ECT2: variants seen among roughly 807,000 people sequenced by gnomAD.
The protein encoded by ECT2 is epithelial cell transforming 2, also known as protein ECT2.
Under a neutral mutation model 116.9 loss-of-function variants are expected in ECT2, and 61 were observed. The observed-to-expected ratio is 0.52, with a 90% CI of 0.42 to 0.65. ECT2 has a LOEUF of 0.65. Among genes scored for constraint, ECT2 ranks in the 30% least tolerant of loss-of-function variants. The pLI is 0.00. For missense variants in ECT2, 937 were observed against 1,078.7 expected, an observed-to-expected ratio of 0.87 and a Z score of 1.84; for synonymous variants, 358 against 346.4, an observed-to-expected ratio of 1.03 and a Z score of -0.37.
the ECT2 span, chr3:172,828,802 G>C: frequency 8.0e-5 from 57 of 709,776 alleles, no homozygotes; most frequent in Admixed American, 5.9e-5. Flanking sequence ...ACAGGCCAAC[G>C]CCCAGAATGG....
At chr3:172,821,874 A>G (rs1272351094), downstream of ECT2, among the ~76,000 whole-genome samples, 1 of 151,858 alleles carries the variant, frequency 6.6e-6, no homozygotes, top group African/African-American at 2.4e-5. Context: ...GGCAAAATAT[A>G]GCAGGTAGTT....
At chr3:172,757,974 C>T (rs1041091465) in intron 5 of ECT2, among the ~76,000 whole-genome samples, 9 of 152,114 alleles carry the variant, frequency 5.9e-5, no homozygotes, top group Non-Finnish European at 1.3e-4. Context: ...TCTACTGCCT[C>T]AGCCTCTCAA....
At chr3:172,798,475 C>T (rs1726137390) in intron 18 of ECT2, among the ~76,000 whole-genome samples, 1 of 152,018 alleles carries the variant, frequency 6.6e-6, no homozygotes. Context: ...ATTTCCAAAA[C>T]TCTAATTTAA....
Position 172,754,583 on chromosome 3 carries a change from ACT to A in ECT2, c.56_57del (p.Ser19PhefsTer4). 1 of 1,611,808 alleles carries A rather than the reference ACT, an allele frequency of 6.2e-7. No individual in the cohort carries two copies. The highest frequency in any genetic ancestry group is 8.5e-7 in the Non-Finnish European group (1 of 1,178,716). On this transcript the variant is annotated frameshift_variant, in exon 2 of 25. Transcript: ENST00000392692. LOFTEE classifies it high-confidence loss of function. ...ACTACTGGGAGGACTAGCTTGGCAG[ACT>A]CTTCCATTTTTGATTCTAAAGTTAC... is the stretch of plus-strand genomic sequence containing the variant.
intron 22 of ECT2, among the ~76,000 whole-genome samples, chr3:172,812,764 A>G (rs1018357091): frequency 1.3e-5 from 2 of 152,170 alleles, no homozygotes; most frequent in African/African-American, 2.4e-5. Context: ...ATTTGCCTCT[A>G]TATCTTATGG....
At chr3:172,792,451 C>CTTTT (rs34510739) in intron 18 of ECT2, among the ~76,000 whole-genome samples, 5 of 143,368 alleles carry the variant, frequency 3.5e-5, no homozygotes, top group East Asian at 2.0e-4. Flanking sequence ...TTTTATCTGG[C>CTTTT]TTTTTTTTTT....
chr3:172,816,010 G>C (rs1010640289), intron 23 of ECT2, among the ~76,000 whole-genome samples: 18 of 151,990 alleles, frequency 1.2e-4, no homozygotes, highest in African/African-American at 3.1e-4. Context: ...TAAATATATC[G>C]CCACAGTTAT....
Position 172,805,856 on chromosome 3 carries a change from A to T in ECT2, c.2232A>T (p.Ile744=). The change falls in exon 21 of 25, where the codon ATA becomes ATT. Residue 744 remains isoleucine (I), a synonymous_variant. Coordinates refer to ENST00000392692, the MANE Select transcript of ECT2 (RefSeq NM_001258315.2). ...CTCAGATTAAGAAGGTATTGGACAT[A>T]AGAGAGACAGAAGGTATGCCGGTCG... ...PLSQIKKVLD[I]RETEDCHNAF... 6.2e-7 allele frequency: 1 copy of T among 1,613,030 alleles called. No homozygotes were observed. Among genetic ancestry groups the T allele is most frequent in the African/African-American group, 1.3e-5 (1 of 75,008 alleles).
chr3:172,824,235 A>T (rs926172110), downstream of ECT2, among the ~76,000 whole-genome samples: 1 of 152,212 alleles, frequency 6.6e-6, no homozygotes, highest in Non-Finnish European at 1.5e-5. Context: ...GATAATTTAT[A>T]AAGAAAAGAG....
At chr3:172,805,381 T>G (rs1727499040) in intron 20 of ECT2, among the ~76,000 whole-genome samples, 1 of 152,172 alleles carries the variant, frequency 6.6e-6, no homozygotes, top group African/African-American at 2.4e-5. Context: ...TAGCCAACTG[T>G]TCCTCTTCTC....
At chr3:172,771,462 A>G (rs965309255) in intron 13 of ECT2, 3 of 152,226 alleles carry the variant, frequency 2.0e-5, no homozygotes, top group Non-Finnish European at 4.4e-5. Context: ...ATAGATGAGA[A>G]GTGTCTTTGA....
rs150167560 is a variant in ECT2 at position 172,815,699 on chromosome 3, G to A, written c.2496G>A (p.Lys832=). ...TLSRASRAIK[K]TSKKVTRAFS... ...GTAGAGCATCAAGAGCAATAAAAAA[G>A]ACTTCAAAAAAGGTGAGTTTTAGTG... Residue 832 remains lysine, a synonymous_variant, in exon 23 of 25, where the codon AAG becomes AAA. Transcript: ENST00000392692. 2.5e-6 allele frequency: 4 copies of A among 1,594,172 alleles called. No individual in the cohort carries two copies. In the Admixed American group the frequency reaches 7.1e-5, roughly 28 times the overall value.
At chr3:172,777,496 T>C (rs929815783) in intron 14 of ECT2, among the ~76,000 whole-genome samples, 7 of 152,162 alleles carry the variant, frequency 4.6e-5, no homozygotes, top group African/African-American at 1.7e-4. Flanking sequence ...AGTGAGCTGA[T>C]GTTTTGAGTA....
chr3:172,771,871 G>A (rs544390535), intron 13 of ECT2, among the ~76,000 whole-genome samples: 9 of 152,118 alleles, frequency 5.9e-5, no homozygotes, highest in Middle Eastern at 3.2e-3. Flanking sequence ...TTTCATTTTC[G>A]TAATGACTAA....
chr3:172,788,822 G>A (rs1724074036), intron 18 of ECT2, among the ~76,000 whole-genome samples: 1 of 152,210 alleles, frequency 6.6e-6, no homozygotes, highest in Admixed American at 6.5e-5. Context: ...CACTTTGGGA[G>A]GCTGAGGCGG....
chr3:172,774,887 C>T (rs1721372313), intron 14 of ECT2, among the ~76,000 whole-genome samples: 1 of 152,136 alleles, frequency 6.6e-6, no homozygotes, highest in Non-Finnish European at 1.5e-5. Flanking sequence ...AAACATGTGA[C>T]TCCCAGTACT....
chr3:172,801,033 T>G (rs1726617921), intron 18 of ECT2, among the ~76,000 whole-genome samples: 1 of 152,214 alleles, frequency 6.6e-6, no homozygotes, highest in African/African-American at 2.4e-5. Context: ...GCTTAAAATG[T>G]TCAATCTTTC....
At chr3:172,769,245 A>G in intron 13 of ECT2, 102 bp downstream of exon 13, 1 of 1,147,652 alleles carries the variant, frequency 8.7e-7, no homozygotes, top group South Asian at 1.8e-5. Flanking sequence ...TAAACATAGT[A>G]TTTGAACATG....
intron 18 of ECT2, among the ~76,000 whole-genome samples, chr3:172,795,323 CAA>C (rs35674521): frequency 0.2 from 21,170 of 104,200 alleles, 1,541 homozygotes; most frequent in Non-Finnish European, 0.25. Context: ...GAGACGCTAT[CAA>C]AAAAAAAAAA....
Sources: allele counts gnomAD v4.1 joint callset (sites outside exome capture counted in the v4.1 genomes callset), GRCh38; gene constraint gnomAD v4.1.1; transcripts MANE v1.5; gene names NCBI Gene and HGNC (gene_info 2026-07-23, HGNC 2026-07-21).